Variants in TGM7 observed in about 807,000 individuals in gnomAD.
The protein encoded by TGM7 is transglutaminase 7.
TGM7 carries 74 observed loss-of-function variants against 79.5 expected under a neutral mutation model. The ratio of observed to expected loss-of-function variants is 0.93; its 90% CI spans 0.77 to 1.13. The LOEUF (loss-of-function observed/expected upper bound fraction) is 1.13, where lower values mean the gene tolerates loss of function less well. TGM7 is among the 50% of genes most tolerant of loss of function. The probability of loss-of-function intolerance (pLI) is 0.00; values close to 1 mark genes in which losing one functional copy is unlikely to be tolerated. For missense variants in TGM7, 912 were observed against 905.9 expected, an observed-to-expected ratio of 1.01 and a Z score of -0.09; for synonymous variants, 354 against 362.5, an observed-to-expected ratio of 0.98 and a Z score of 0.27.
At chr15:43,298,167 G>T (rs955075233) in intron 1 of TGM7, among the ~76,000 whole-genome samples, 1 of 152,208 alleles carries the variant, frequency 6.6e-6, no homozygotes, top group African/African-American at 2.4e-5. Flanking sequence ...TCCAGAGGCC[G>T]CCCCCTTAAC....
intron 2 of TGM7, 43 bp downstream of exon 2, chr15:43,293,406 A>AT (rs761750040): frequency 4.5e-6 from 7 of 1,542,378 alleles, no homozygotes; most frequent in Middle Eastern, 1.7e-4. Context: ...AAATGCCCTC[A>AT]TTTTGACGGA....
chr15:43,290,055 G>T (rs979756115), intron 4 of TGM7, among the ~76,000 whole-genome samples: 18 of 152,128 alleles, frequency 1.2e-4, no homozygotes. Flanking sequence ...CTGTGCAGAA[G>T]CTCTTTAGTT....
chr15:43,285,361 G>A (rs1333139248), intron 6 of TGM7, among the ~76,000 whole-genome samples: 1 of 152,146 alleles, frequency 6.6e-6, no homozygotes, highest in Non-Finnish European at 1.5e-5. Context: ...GGGAAACCCC[G>A]TCTCTACTAA....
chr15:43,293,749 G>A, intron 1 of TGM7, 118 bp from the exon 2 acceptor site: 1 of 67,536 alleles, frequency 1.5e-5, no homozygotes, highest in Non-Finnish European at 3.0e-5. Context: ...GCGGGGGGTA[G>A]GTGGGGCGTG....
Position 43,279,866 on chromosome 15 carries a change from G to A in TGM7, c.1437C>T (p.Leu479=), listed in dbSNP as rs776654690. 1.2e-6 allele frequency: 2 copies of A among 1,614,228 alleles called. No homozygotes were observed. Among genetic ancestry groups the A allele is most frequent in the African/African-American group, 1.3e-5 (1 of 75,058 alleles). Residue 479 remains leucine, a synonymous_variant, in exon 10 of 13, where the codon CTC becomes CTT. Coordinates refer to ENST00000452443, the MANE Select transcript of TGM7 (RefSeq NM_052955.3). The part of the protein sequence containing the change: ...PQRASLPFLD[L]LESGGLRDQP... ...GATCCCTAAGACCCCCAGACTCCAG[G>A]AGATCCAGGAAGGGCAAAGAAGCTC...
chr15:43,282,370 T>C, intron 8 of TGM7, 147 bp downstream of exon 8: 1 of 801,000 alleles, frequency 1.2e-6, no homozygotes, highest in Non-Finnish European at 2.0e-6. Flanking sequence ...TAGAGTTAGA[T>C]TCCTGATCTG....
intron 4 of TGM7, 70 bp downstream of exon 4, chr15:43,291,909 A>T: frequency 8.8e-7 from 1 of 1,142,362 alleles, no homozygotes; most frequent in Non-Finnish European, 1.3e-6. Flanking sequence ...TAACAGCCTT[A>T]CATAACAGGG....
chr15:43,280,775 G>A (rs1465754494), intron 9 of TGM7, among the ~76,000 whole-genome samples: 1 of 152,154 alleles, frequency 6.6e-6, no homozygotes, highest in Non-Finnish European at 1.5e-5. Context: ...ACTGAACGAA[G>A]GGATGAATGT....
At chr15:43,293,728 T>TA (rs2042977477) in intron 1 of TGM7, 97 bp from the exon 2 acceptor site, 1 of 399,354 alleles carries the variant, frequency 2.5e-6, no homozygotes, top group Non-Finnish European at 3.2e-6. Context: ...GTGCGGCGGG[T>TA]GGTGGGGCGT....
Position 43,284,863 on chromosome 15 carries a change from A to G in TGM7, c.955T>C (p.Tyr319His). The change falls in exon 7 of 13, where the codon TAT becomes CAT. Residue 319 changes from tyrosine to histidine, a missense_variant. Physicochemically the swap from Tyr to His is moderately conservative, Grantham distance 83 (BLOSUM62 2). Coordinates refer to ENST00000452443, the MANE Select transcript of TGM7 (RefSeq NM_052955.3). ...VDRNLTIDTYYDRNAEMLSTQ... is the reference protein window; with the variant it reads ...VDRNLTIDTYHDRNAEMLSTQ... ...GACAGCATCTCGGCATTTCGGTCAT[A>G]GTACGTATCGATGGTCAAGTTCCTA... 1 of 1,614,230 alleles carries G rather than the reference A, an allele frequency of 6.2e-7. No homozygotes were observed. The highest frequency in any genetic ancestry group is 1.1e-5 in the South Asian group (1 of 91,082).
chr15:43,294,858 A>G (rs1316211242), intron 1 of TGM7, among the ~76,000 whole-genome samples: 1 of 151,586 alleles, frequency 6.6e-6, no homozygotes, highest in African/African-American at 2.4e-5. Context: ...TTGAACTTCC[A>G]CAGAGGTTCT....
intron 4 of TGM7, among the ~76,000 whole-genome samples, chr15:43,289,128 T>C (rs1268174114): frequency 6.6e-6 from 1 of 152,066 alleles, no homozygotes; most frequent in Non-Finnish European, 1.5e-5. Context: ...TAGTTACATA[T>C]GTATACATGT....
chr15:43,279,620 C>A lies in TGM7; in HGVS notation c.1678+5G>T. The A allele has an allele frequency of 6.4e-7, 1 of 1,573,458 alleles. No homozygotes were observed. The highest frequency in any genetic ancestry group is 8.6e-7 in the Non-Finnish European group (1 of 1,156,882). On this transcript the variant is annotated splice_donor_5th_base_variant and intron_variant, in intron 10 of 12. Transcript: ENST00000452443. ...GGTGCCTTCTCAGGCCTGCCTCACACTCACCCTTCCCAAAGTCCAGGTTCA... is the reference window on the plus strand; with the variant it reads ...GGTGCCTTCTCAGGCCTGCCTCACAATCACCCTTCCCAAAGTCCAGGTTCA...
Position 43,279,896 on chromosome 15 carries a change from G to A in TGM7, c.1407C>T (p.Pro469=), listed in dbSNP as rs778987801. The stretch of plus-strand genomic sequence containing the variant: ...CCAGGAAGGGCAAAGAAGCTCTTTG[G>A]GGGCCCAGCATTTTCCGAGAAGCCT... ...FMKASRKMLG[P]QRASLPFLDL... The change falls in exon 10 of 13, where the codon CCC becomes CCT. Residue 469 remains proline (P), a synonymous_variant. Transcript: ENST00000452443. The A allele has an allele frequency of 1.2e-5, 19 of 1,614,064 alleles. No individual in the cohort carries two copies. Among genetic ancestry groups the A allele is most frequent in the East Asian group, 6.7e-5 (3 of 44,894 alleles).
chr15:43,280,416 G>A (rs535126360), intron 9 of TGM7, among the ~76,000 whole-genome samples: 113 of 152,296 alleles, frequency 7.4e-4, no homozygotes, highest in Non-Finnish European at 1.3e-3. Flanking sequence ...CTGAGGTCAG[G>A]AGTTTGAGAC....
rs1328040950 is a variant in TGM7, at chr15:43,276,975, C to A, written c.1860G>T (p.Val620=). ...TGACATGGACTCTCAGCGCCTTGCC[C>A]ACCTCAGCCCTCTCAGACACCTGTG... ...LSIEVSERAE[V]GKALRVHVTL... is the part of the protein sequence containing the mutation. Residue 620 remains valine, a synonymous_variant, in exon 12 of 13, where the codon GTG becomes GTT. Coordinates refer to ENST00000452443, the MANE Select transcript of TGM7 (RefSeq NM_052955.3). 2 of 1,614,052 alleles carry A rather than the reference C, an allele frequency of 1.2e-6. No homozygotes were observed. The highest frequency in any genetic ancestry group is 1.7e-6 in the Non-Finnish European group (2 of 1,179,982).
At chr15:43,284,489 T>G (rs922955738) in intron 7 of TGM7, among the ~76,000 whole-genome samples, 1 of 152,048 alleles carries the variant, frequency 6.6e-6, no homozygotes, top group Non-Finnish European at 1.5e-5. Context: ...CTGGGAAAAC[T>G]GGATGGTACA....
Position 43,279,623 on chromosome 15 carries a change from A to G in TGM7, c.1678+2T>C. 1 of 1,575,076 alleles carries G rather than the reference A, an allele frequency of 6.3e-7. No individual in the cohort carries two copies. The highest frequency in any genetic ancestry group is 8.6e-7 in the Non-Finnish European group (1 of 1,157,692). On this transcript the variant is annotated splice_donor_variant, in intron 10 of 12. Coordinates refer to ENST00000452443, the MANE Select transcript of TGM7 (RefSeq NM_052955.3). LOFTEE classifies it high-confidence loss of function. ...GCCTTCTCAGGCCTGCCTCACACTC[A>G]CCCTTCCCAAAGTCCAGGTTCATCC...
chr15:43,283,009 C>A (rs1005014509), intron 7 of TGM7, among the ~76,000 whole-genome samples: 2 of 152,118 alleles, frequency 1.3e-5, no homozygotes, highest in Admixed American at 1.3e-4. Context: ...AAGATGGCAC[C>A]GCTGCACTCC....
Sources: allele counts gnomAD v4.1 joint callset (sites outside exome capture counted in the v4.1 genomes callset), GRCh38; gene constraint gnomAD v4.1.1; transcripts MANE v1.5; gene names NCBI Gene and HGNC (gene_info 2026-07-23, HGNC 2026-07-21).